Variants in BMPR1B observed in about 807,000 individuals in gnomAD.
The protein encoded by BMPR1B is bone morphogenetic protein receptor type 1B.
BMPR1B carries 12 observed loss-of-function variants against 59.1 expected under a neutral mutation model. The observed-to-expected ratio is 0.20, with a 90% CI of 0.13 to 0.33. The LOEUF (loss-of-function observed/expected upper bound fraction) is 0.33, where lower values mean the gene tolerates loss of function less well. BMPR1B is among the 10% of genes least tolerant of loss of function. The pLI is 1.00. For missense variants in BMPR1B, 550 were observed against 610.9 expected (o/e 0.90, Z 1.05); for synonymous variants, 237 against 207.3 (o/e 1.14, Z -1.23).
At chr4:94,758,421 T>G (rs1362402851) in intron 1 of BMPR1B, among the ~76,000 whole-genome samples, 1 of 151,112 alleles carries the variant, frequency 6.6e-6, no homozygotes, top group Non-Finnish European at 1.5e-5. Flanking sequence ...TGCTTCGGGC[T>G]GTAGGGACGC....
chr4:94,883,740 GTTAGAC>G (rs1209005921), intron 2 of BMPR1B, among the ~76,000 whole-genome samples: 4 of 152,100 alleles, frequency 2.6e-5, no homozygotes, highest in African/African-American at 9.7e-5. Flanking sequence ...TTAAGCTATT[GTTAGAC>G]TAAGGGTAAA....
chr4:94,927,429 AG>A (rs1439982124), intron 2 of BMPR1B, among the ~76,000 whole-genome samples: 1 of 152,186 alleles, frequency 6.6e-6, no homozygotes, highest in Non-Finnish European at 1.5e-5. Flanking sequence ...CTAAAAGGGC[AG>A]GATCAGAGAT....
At chr4:95,071,650 G>GTATATATATATATATATA (rs1459082558) in intron 3 of BMPR1B, among the ~76,000 whole-genome samples, 904 of 78,020 alleles carry the variant, frequency 0.012, 5 homozygotes, top group East Asian at 0.027. Flanking sequence ...GTGTGTGTGT[G>GTATATATATATATATATA]TGTATATATA....
At chr4:94,954,049 G>A (rs904787657) in intron 2 of BMPR1B, among the ~76,000 whole-genome samples, 4 of 151,592 alleles carry the variant, frequency 2.6e-5, no homozygotes, top group Admixed American at 6.6e-5. Context: ...CCACTTGATC[G>A]ATTTGGCTAT....
intron 10 of BMPR1B, among the ~76,000 whole-genome samples, chr4:95,143,521 C>G (rs987587492): frequency 2.0e-5 from 3 of 152,156 alleles, no homozygotes; most frequent in African/African-American, 7.2e-5. Context: ...AGAACTGTCA[C>G]TTTGTTAGTG....
chr4:95,115,455 G>C (rs1731950363), intron 5 of BMPR1B, among the ~76,000 whole-genome samples: 1 of 152,288 alleles, frequency 6.6e-6, no homozygotes, highest in South Asian at 2.1e-4. Context: ...ATGCACACTA[G>C]TTATTAGAAA....
chr4:95,151,382 T>C (rs908003781), intron 11 of BMPR1B, among the ~76,000 whole-genome samples: 3 of 152,172 alleles, frequency 2.0e-5, no homozygotes, highest in African/African-American at 7.2e-5. Flanking sequence ...GGGCTTTGCC[T>C]TCAGGCTGTT....
chr4:95,131,045 T>C (rs1288550028), intron 9 of BMPR1B, among the ~76,000 whole-genome samples, 170 bp from the exon 10 acceptor site: 1 of 152,134 alleles, frequency 6.6e-6, no homozygotes, highest in African/African-American at 2.4e-5. Context: ...TGTACAATTT[T>C]GATTGCTTCT....
At chr4:95,025,203 C>T (rs2149142993) in intron 3 of BMPR1B, among the ~76,000 whole-genome samples, 1 of 152,166 alleles carries the variant, frequency 6.6e-6, no homozygotes, top group African/African-American at 2.4e-5. Flanking sequence ...ATTATTTTCG[C>T]AAAGGGGAAA....
chr4:94,890,161 G>A (rs7669132), intron 2 of BMPR1B, among the ~76,000 whole-genome samples: 4,516 of 152,082 alleles, frequency 0.03, 140 homozygotes, highest in African/African-American at 0.073. Context: ...AAATCTTGGC[G>A]TGGAGCTAAT....
At chr4:94,962,072 T>TTCCTTCCTTCCTTCCTTCCTTCC (rs1730380757) in intron 2 of BMPR1B, among the ~76,000 whole-genome samples, 1 of 117,960 alleles carries the variant, frequency 8.5e-6, no homozygotes, top group African/African-American at 3.5e-5. Context: ...CTTTCTTTTC[T>TTCCTTCCTTCCTTCCTTCCTTCC]TTCCTTCCTT....
intron 1 of BMPR1B, among the ~76,000 whole-genome samples, chr4:94,872,370 A>C (rs1384589719): frequency 6.6e-6 from 1 of 152,248 alleles, no homozygotes; most frequent in African/African-American, 2.4e-5. Flanking sequence ...TTTTAAACCC[A>C]GAAGCAATAG....
chr4:94,841,514 G>A (rs1434919715), intron 1 of BMPR1B, among the ~76,000 whole-genome samples: 1 of 152,154 alleles, frequency 6.6e-6, no homozygotes, highest in African/African-American at 2.4e-5. Context: ...GGGTGGGAGT[G>A]ACCCGATTTT....
chr4:95,005,147 A>G (rs1156640510), intron 3 of BMPR1B, among the ~76,000 whole-genome samples: 1 of 152,122 alleles, frequency 6.6e-6, no homozygotes, highest in Non-Finnish European at 1.5e-5. Flanking sequence ...CCCATAGTGT[A>G]TGTTCCTTCT....
intron 2 of BMPR1B, among the ~76,000 whole-genome samples, chr4:94,913,054 A>G (rs957270774): frequency 6.6e-6 from 1 of 152,042 alleles, no homozygotes; most frequent in Non-Finnish European, 1.5e-5. Flanking sequence ...TTTTAAATAC[A>G]TTTTAAGCTT....
At chr4:95,132,168 C>T (rs1259085135) in intron 10 of BMPR1B, among the ~76,000 whole-genome samples, 5 of 152,080 alleles carry the variant, frequency 3.3e-5, no homozygotes, top group African/African-American at 7.2e-5. Context: ...TGATTTAATT[C>T]GAATAAATGG....
chr4:95,078,289 T>C (rs1390505811), intron 3 of BMPR1B, among the ~76,000 whole-genome samples: 2 of 152,214 alleles, frequency 1.3e-5, no homozygotes, highest in Non-Finnish European at 2.9e-5. Flanking sequence ...TTTTAACTGG[T>C]ATATATTTTT....
intron 2 of BMPR1B, among the ~76,000 whole-genome samples, chr4:94,901,896 G>A (rs1727822061): frequency 6.6e-6 from 1 of 151,878 alleles, no homozygotes; most frequent in Non-Finnish European, 1.5e-5. Context: ...TGTACTACTT[G>A]TATATGTGTG....
intron 1 of BMPR1B, among the ~76,000 whole-genome samples, chr4:94,783,687 C>G (rs11097440): frequency 0.56 from 84,578 of 151,964 alleles, 23,742 homozygotes; most frequent in Middle Eastern, 0.71. Context: ...GGTATGGAAA[C>G]TTTGCACTAT....
Sources: gnomAD v4.1 joint callset for allele counts (sites outside exome capture counted in the v4.1 genomes callset) on GRCh38, gnomAD v4.1.1 for gene constraint, MANE v1.5 for transcripts, NCBI Gene and HGNC (gene_info 2026-07-23, HGNC 2026-07-21) for gene names.